Variants in IQCM observed in about 807,000 individuals in gnomAD.
IQCM encodes IQ domain-containing protein M.
IQCM carries 45 observed loss-of-function variants against 57.6 expected under a neutral mutation model. The observed-to-expected ratio is 0.78, with a 90% CI of 0.62 to 1.00. The LOEUF is 1.00. Among genes scored for constraint, IQCM ranks in the 50% least tolerant of loss-of-function variants. IQCM has a pLI of 0.00. For synonymous variants in IQCM, 148 were observed against 158.9 expected (o/e 0.93, Z 0.51); for missense variants, 468 against 511.6 (o/e 0.91, Z 0.82).
At chr4:149,358,197 C>A (rs1043809888) in intron 13 of IQCM, among the ~76,000 whole-genome samples, 7 of 152,138 alleles carry the variant, frequency 4.6e-5, no homozygotes, top group Admixed American at 4.6e-4. Context: ...AAAAAACCAG[C>A]TCCTGGATTC....
At chr4:149,612,970 C>T (rs2061451252) in intron 8 of IQCM, among the ~76,000 whole-genome samples, 1 of 151,890 alleles carries the variant, frequency 6.6e-6, no homozygotes, top group African/African-American at 2.4e-5. Context: ...GAGTTAATTC[C>T]AACCCCACTA....
chr4:149,563,823 CTA>C lies in IQCM; in HGVS notation c.815_816del (p.Ile272ArgfsTer20), dbSNP rs773642509. On this transcript the variant is annotated frameshift_variant, in exon 10 of 14. Coordinates refer to ENST00000636793, the MANE Select transcript of IQCM (RefSeq NM_001363507.2). LOFTEE classifies it high-confidence loss of function. ...DSKVKRIGPHIEIFQVFRERK... is the reference protein window; with the variant it reads ...DSKVKRIGPHXEIFQVFRERK... ...CTTTCTCGGAACACTTGGAAGATTT[CTA>C]TGTGTGGTCCAATTCTTTTAACTTT... is the stretch of plus-strand genomic sequence containing the variant. 9.8e-4 allele frequency: 1,205 copies of C among 1,231,818 alleles called. 1 individual carries two copies. Among genetic ancestry groups the C allele is most frequent in the Middle Eastern group, 1.2e-3 (4 of 3,208 alleles). The allele number at this position is 1,231,818 out of a possible 1,614,324, so 76.3% of individuals were successfully genotyped here.
rs4554045 is a variant in IQCM, at chr4:149,652,600, C to T, written c.565+29518G>A. 2.5e-3 allele frequency among the ~76,000 whole-genome samples: 385 copies of T among 151,590 alleles called. 3 individuals are homozygous for T. Among genetic ancestry groups the T allele is most frequent in the African/African-American group, 8.4e-3 (349 of 41,312 alleles). On this transcript the variant is annotated intron_variant, in intron 7 of 13. Transcript: ENST00000636793. Reference sequence around the variant, plus strand: ...GATAATGGTGAGACAATAGAAAGTACGACTTGAGCCAACAGTTCAATAAAG... The same window carrying T: ...GATAATGGTGAGACAATAGAAAGTATGACTTGAGCCAACAGTTCAATAAAG...
At chr4:149,804,938 G>C (rs1773934975) in intron 2 of IQCM, among the ~76,000 whole-genome samples, 1 of 152,016 alleles carries the variant, frequency 6.6e-6, no homozygotes, top group African/African-American at 2.4e-5. Context: ...AGTGCACGAA[G>C]TAGGATGCAA....
Position 149,364,708 on chromosome 4 carries a change from C to A in IQCM, c.1391-12642G>T, listed in dbSNP as rs573293221. ...TGGCATATATAAATAATAAGAACAT[C>A]ATAAAAAGTCAAAATGTAGCTTATA... On this transcript the variant is annotated intron_variant, in intron 13 of 13. Coordinates refer to ENST00000636793, the MANE Select transcript of IQCM (RefSeq NM_001363507.2). Among the ~76,000 whole-genome samples the A allele has an allele frequency of 3.0e-4, 46 of 152,038 alleles. No homozygotes were observed. The South Asian group carries it at 9.6e-3, about 32-fold the overall frequency.
intron 13 of IQCM, among the ~76,000 whole-genome samples, chr4:149,393,141 C>T (rs562099698): frequency 2.0e-5 from 3 of 152,042 alleles, no homozygotes; most frequent in South Asian, 4.1e-4. Context: ...TCACTGCACT[C>T]CAGTCTGGGC....
chr4:149,548,202 C>G (rs575257474), intron 12 of IQCM, among the ~76,000 whole-genome samples: 20 of 152,152 alleles, frequency 1.3e-4, no homozygotes, highest in Admixed American at 5.2e-4. Context: ...AAAATGAAAA[C>G]CACCTCTTCC....
At chr4:149,604,010 TAA>T (rs984930098) in intron 8 of IQCM, among the ~76,000 whole-genome samples, 1 of 152,128 alleles carries the variant, frequency 6.6e-6, no homozygotes, top group African/African-American at 2.4e-5. Flanking sequence ...TCTACAATTC[TAA>T]GACTCTGAAA....
intron 5 of IQCM, among the ~76,000 whole-genome samples, chr4:149,724,854 A>G (rs929416054): frequency 2.6e-5 from 4 of 152,046 alleles, no homozygotes; most frequent in Non-Finnish European, 2.9e-5. Context: ...TATATATATT[A>G]CAAAAACATT....
chr4:149,694,013 C>T (rs1260953189), intron 5 of IQCM, among the ~76,000 whole-genome samples: 1 of 152,118 alleles, frequency 6.6e-6, no homozygotes, highest in Non-Finnish European at 1.5e-5. Context: ...TGTAAACTCT[C>T]TGATCATGTG....
intron 2 of IQCM, among the ~76,000 whole-genome samples, chr4:149,748,083 T>C (rs1768097090): frequency 1.3e-5 from 2 of 152,214 alleles, no homozygotes; most frequent in South Asian, 2.1e-4. Context: ...CTTCAACTTA[T>C]GTTTAAAGAA....
At chr4:149,548,006 C>A (rs1207553292) in intron 12 of IQCM, among the ~76,000 whole-genome samples, 2 of 152,018 alleles carry the variant, frequency 1.3e-5, no homozygotes, top group Non-Finnish European at 2.9e-5. Context: ...AAATGATTTT[C>A]TGTGAAAGTC....
chr4:149,765,162 C>T (rs1218007683), intron 2 of IQCM, among the ~76,000 whole-genome samples: 1 of 152,060 alleles, frequency 6.6e-6, no homozygotes, highest in Non-Finnish European at 1.5e-5. Flanking sequence ...TACACTAATG[C>T]ATCTTATGTA....
At chr4:149,783,033 G>C (rs564821766) in intron 2 of IQCM, among the ~76,000 whole-genome samples, 1 of 152,202 alleles carries the variant, frequency 6.6e-6, no homozygotes, top group East Asian at 1.9e-4. Context: ...CAGTCTCACT[G>C]TTTTAAATTC....
At chr4:149,616,155 G>T (rs747189780) in intron 8 of IQCM, among the ~76,000 whole-genome samples, 8 of 152,046 alleles carry the variant, frequency 5.3e-5, no homozygotes, top group Non-Finnish European at 1.2e-4. Context: ...ACCCATGTTC[G>T]TGGCAACATT....
chr4:149,779,563 C>T (rs985088883), intron 2 of IQCM, among the ~76,000 whole-genome samples: 4 of 152,076 alleles, frequency 2.6e-5, no homozygotes, highest in Admixed American at 6.5e-5. Flanking sequence ...AAAAAGTGAA[C>T]ATCAACCTAA....
chr4:149,511,159 A>C (rs1467635678), intron 12 of IQCM, among the ~76,000 whole-genome samples: 1 of 151,988 alleles, frequency 6.6e-6, no homozygotes, highest in African/African-American at 2.4e-5. Context: ...TCTCTCCCTC[A>C]TCTCTAATTT....
chr4:149,745,371 A>G (rs1246741015), intron 2 of IQCM, among the ~76,000 whole-genome samples: 1 of 152,184 alleles, frequency 6.6e-6, no homozygotes, highest in Non-Finnish European at 1.5e-5. Flanking sequence ...CCTCTCTGCA[A>G]CAAGCCTTGA....
chr4:149,556,856 C>A (rs1484822838), intron 10 of IQCM, among the ~76,000 whole-genome samples: 1 of 152,098 alleles, frequency 6.6e-6, no homozygotes, highest in Non-Finnish European at 1.5e-5. Flanking sequence ...CTCTTTCAGG[C>A]CTCTCCTCTG....
Sources: allele counts gnomAD v4.1 joint callset (sites outside exome capture counted in the v4.1 genomes callset), GRCh38; gene constraint gnomAD v4.1.1; transcripts MANE v1.5; gene names NCBI Gene and HGNC (gene_info 2026-07-23, HGNC 2026-07-21).